The following CCDC33 variants were observed in gnomAD, a reference collection of about 807,000 sequenced individuals.
CCDC33 encodes coiled-coil domain-containing protein 33.
CCDC33 carries 94 observed loss-of-function variants against 91.9 expected under a neutral mutation model. That is an observed-to-expected ratio of 1.02 (90% CI 0.87 to 1.21). The LOEUF (loss-of-function observed/expected upper bound fraction) is 1.21, where lower values mean the gene tolerates loss of function less well. CCDC33 is among the 50% of genes most tolerant of loss of function. CCDC33 has a pLI of 0.00. For missense variants in CCDC33, 940 were observed against 935.5 expected, an observed-to-expected ratio of 1.00 and a Z score of -0.06; for synonymous variants, 396 against 374.5, an observed-to-expected ratio of 1.06 and a Z score of -0.66.
In CCDC33 at chr15:74,266,692, G is replaced by A; in HGVS notation, c.334G>A (p.Val112Met). The A allele has an allele frequency of 6.2e-7, 1 of 1,613,714 alleles. No homozygotes were observed. Residue 112 changes from valine to methionine, a missense_variant, in exon 4 of 19, where the codon GTG becomes ATG. Coordinates refer to ENST00000398814, the MANE Select transcript of CCDC33 (RefSeq NM_025055.5). ...TCTCTTTCCAGATGTGATCCTCAAG[G>A]TGGTGGACAACAGAAAGAAACAGGA... The part of the protein sequence containing the change: ...DAGQEDVILK[V>M]VDNRKKQELL...
rs1041812040 is a variant in CCDC33 at position 74,276,940 on chromosome 15, T to TTG, written c.760-3011_760-3010dup. On this transcript the variant is annotated intron_variant, in intron 7 of 18. Coordinates refer to ENST00000398814, the MANE Select transcript of CCDC33 (RefSeq NM_025055.5). ...ACAGCTTGCTTAGGACTCTACATGT[T>TTG]TGTGTGTGTGTGTCTGTCTGTCTGT... is the stretch of plus-strand genomic sequence containing the variant. 6.4e-4 allele frequency among the ~76,000 whole-genome samples: 97 copies of TTG among 152,142 alleles called. 4 individuals are homozygous for TTG. Among genetic ancestry groups the TTG allele is most frequent in the South Asian group, 2.7e-3 (13 of 4,816 alleles).
At chr15:74,279,723 G>C (rs977066132) in intron 7 of CCDC33, among the ~76,000 whole-genome samples, 3 of 152,164 alleles carry the variant, frequency 2.0e-5, no homozygotes, top group African/African-American at 7.2e-5. Context: ...TTTTAGTAGA[G>C]ACAGGGTTTT....
At chr15:74,307,031 G>A (rs909166140) in intron 11 of CCDC33, among the ~76,000 whole-genome samples, 6 of 152,284 alleles carry the variant, frequency 3.9e-5, no homozygotes, top group East Asian at 1.9e-4. Flanking sequence ...GCCTCCTGGC[G>A]CTGCTCCTTA....
intron 7 of CCDC33, 88 bp downstream of exon 7, chr15:74,272,979 C>A: frequency 6.6e-7 from 1 of 1,523,940 alleles, no homozygotes; most frequent in Non-Finnish European, 9.0e-7. Context: ...CAGCAGTTCC[C>A]TTGACTATCG....
intron 1 of CCDC33, among the ~76,000 whole-genome samples, chr15:74,207,151 C>T (rs973785042): frequency 6.6e-6 from 1 of 152,174 alleles, no homozygotes. Context: ...AGCAGAGGCC[C>T]ACGTGCATTT....
At chr15:74,230,101 G>T (rs1191872158) in intron 2 of CCDC33, among the ~76,000 whole-genome samples, 1 of 152,222 alleles carries the variant, frequency 6.6e-6, no homozygotes, top group Non-Finnish European at 1.5e-5. Flanking sequence ...TCCTTCACAG[G>T]GACCACAGGC....
At chr15:74,223,453 C>T (rs1257507665) in intron 2 of CCDC33, among the ~76,000 whole-genome samples, 1 of 152,180 alleles carries the variant, frequency 6.6e-6, no homozygotes, top group East Asian at 1.9e-4. Flanking sequence ...GGAGGCCAGT[C>T]AGCTCCTCCT....
At chr15:74,203,597 T>A (rs979309005) in intron 1 of CCDC33, among the ~76,000 whole-genome samples, 1 of 152,272 alleles carries the variant, frequency 6.6e-6, no homozygotes, top group Admixed American at 6.5e-5. Context: ...ACAGCTTTTT[T>A]AAGAAGACAT....
At chr15:74,295,630 G>A (rs1296571280) in intron 10 of CCDC33, 124 bp from the exon 11 acceptor site, 12 of 770,180 alleles carry the variant, frequency 1.6e-5, no homozygotes, top group Non-Finnish European at 2.5e-5. Context: ...GTGTGCACGG[G>A]CCAGCCATGC....
At chr15:74,247,261 A>G (rs1226011423) in intron 2 of CCDC33, among the ~76,000 whole-genome samples, 1 of 152,136 alleles carries the variant, frequency 6.6e-6, no homozygotes, top group Non-Finnish European at 1.5e-5. Context: ...TGAGGTCAAG[A>G]GTACCCCTAT....
At chr15:74,269,490 C>T (rs2076257526) in intron 5 of CCDC33, among the ~76,000 whole-genome samples, 1 of 152,198 alleles carries the variant, frequency 6.6e-6, no homozygotes. Flanking sequence ...CTACAGGCGC[C>T]CTCTGCTCCC....
chr15:74,287,738 G>A (rs1160953054), intron 10 of CCDC33, among the ~76,000 whole-genome samples: 1 of 151,718 alleles, frequency 6.6e-6, no homozygotes, highest in South Asian at 2.1e-4. Context: ...GCAGTGAGCC[G>A]AGATCACACC....
intron 10 of CCDC33, among the ~76,000 whole-genome samples, chr15:74,291,192 T>G (rs1195579019): frequency 6.6e-6 from 1 of 152,222 alleles, no homozygotes. Context: ...TAAATGAGGC[T>G]CGCTGTATGC....
chr15:74,262,370 G>A, intron 2 of CCDC33, 70 bp from the exon 3 acceptor site: 2 of 1,589,764 alleles, frequency 1.3e-6, no homozygotes, highest in Middle Eastern at 1.7e-4. Context: ...ATGGACAGTG[G>A]AGCCTGGGAT....
chr15:74,247,887 G>C (rs1448095649), intron 2 of CCDC33, among the ~76,000 whole-genome samples: 1 of 152,116 alleles, frequency 6.6e-6, no homozygotes, highest in Non-Finnish European at 1.5e-5. Context: ...GACCAGCCTG[G>C]CCAACATAGT....
chr15:74,310,707 C>G (rs1196132032), intron 11 of CCDC33, among the ~76,000 whole-genome samples: 1 of 152,158 alleles, frequency 6.6e-6, no homozygotes, highest in African/African-American at 2.4e-5. Context: ...GGTCTGGGCC[C>G]TGGATTTCCA....
rs1414244766 is a variant in CCDC33 at position 74,246,039 on chromosome 15, T to C, written c.185+1891T>C. Among the ~76,000 whole-genome samples, 3 of 152,164 alleles carry C rather than the reference T, an allele frequency of 2.0e-5. No individual in the cohort carries two copies. In the East Asian group the frequency reaches 5.8e-4, roughly 29 times the overall value. On this transcript the variant is annotated intron_variant, in intron 2 of 18. Transcript: ENST00000398814. ...GGAGGATCCAGACCCTCAGAGGCCA[T>C]AGAACCTGGAAAGAATTTATATCCC...
chr15:74,291,676 C>T (rs1215939203), intron 10 of CCDC33, among the ~76,000 whole-genome samples: 1 of 152,214 alleles, frequency 6.6e-6, no homozygotes, highest in Non-Finnish European at 1.5e-5. Flanking sequence ...GCAGCTGCAG[C>T]CTGGCTAGTC....
chr15:74,290,298 C>T (rs142180559), intron 10 of CCDC33, among the ~76,000 whole-genome samples: 2,762 of 151,780 alleles, frequency 0.018, 101 homozygotes, highest in African/African-American at 0.064. Flanking sequence ...CTGCCTTAGT[C>T]TCCCCAGTAG....
Sources: allele counts gnomAD v4.1 joint callset (sites outside exome capture counted in the v4.1 genomes callset), GRCh38; gene constraint gnomAD v4.1.1; transcripts MANE v1.5; gene names NCBI Gene and HGNC (gene_info 2026-07-23, HGNC 2026-07-21).